The following MFN1 variants were observed in gnomAD, a reference collection of about 807,000 sequenced individuals.
The protein encoded by MFN1 is mitofusin-1.
Under a neutral mutation model 92.4 loss-of-function variants are expected in MFN1, and 65 were observed. The observed-to-expected ratio is 0.70, with a 90% CI of 0.58 to 0.86. The LOEUF (loss-of-function observed/expected upper bound fraction) is 0.86, where lower values mean the gene tolerates loss of function less well. Ranked by LOEUF, MFN1 falls within the 40% of genes least tolerant of loss-of-function variation. The pLI is 0.00. For synonymous variants in MFN1, 297 were observed against 300.9 expected (o/e 0.99, Z 0.13); for missense variants, 781 against 868.0 (o/e 0.90, Z 1.26).
At chr3:179,374,303 AT>A in intron 9 of MFN1, among the ~76,000 whole-genome samples, 1 of 67,830 alleles carries the variant, frequency 1.5e-5, no homozygotes, top group Non-Finnish European at 2.6e-5. Flanking sequence ...ACTGTCAAAA[AT>A]ATATATATAA....
chr3:179,377,017 T>C (rs762588550), intron 10 of MFN1, 25 bp from the exon 11 acceptor site: 5 of 1,610,608 alleles, frequency 3.1e-6, no homozygotes, highest in Middle Eastern at 1.7e-4. Context: ...ACCCTGAACG[T>C]TGATTACTCT....
chr3:179,348,397 T>C (rs914843813), intron 1 of MFN1, among the ~76,000 whole-genome samples: 1 of 152,250 alleles, frequency 6.6e-6, no homozygotes, highest in Non-Finnish European at 1.5e-5. Flanking sequence ...CCTTTCTAAA[T>C]GTCAGCCTCA....
In MFN1 at chr3:179,362,443, A is replaced by G; in HGVS notation, c.497A>G (p.Lys166Arg). 1.2e-6 allele frequency: 2 copies of G among 1,613,954 alleles called. No homozygotes were observed. The highest frequency in any genetic ancestry group is 1.7e-6 in the Non-Finnish European group (2 of 1,179,978). Reference sequence around the variant, plus strand: ...GTACGTGTGTTTTGGCCAAAAGCAAAATGTGCCCTCTTGAGAGATGACCTG... The same window carrying G: ...GTACGTGTGTTTTGGCCAAAAGCAAGATGTGCCCTCTTGAGAGATGACCTG... Reference protein sequence around the residue: ...CLVRVFWPKAKCALLRDDLVL... With the variant: ...CLVRVFWPKARCALLRDDLVL... The change falls in exon 5 of 18, where the codon AAA becomes AGA. Residue 166 changes from lysine to arginine, a missense_variant. Transcript: ENST00000471841.
Position 179,387,001 on chromosome 3 carries a change from C to G in MFN1, c.2012+372C>G, listed in dbSNP as rs529077769. 4.9e-4 allele frequency among the ~76,000 whole-genome samples: 74 copies of G among 152,106 alleles called. No individual in the cohort carries two copies. In the Middle Eastern group the frequency reaches 0.01, roughly 21 times the overall value. On this transcript the variant is annotated intron_variant, in intron 16 of 17. Transcript: ENST00000471841. The stretch of plus-strand genomic sequence containing the variant: ...GGCACAATCTGGCTCACTGCAGCCT[C>G]GAATCTTGGGCTCAAGTGATCTTAC...
chr3:179,379,929 A>G (rs1160734475), intron 14 of MFN1, among the ~76,000 whole-genome samples: 3 of 152,184 alleles, frequency 2.0e-5, no homozygotes, highest in Admixed American at 1.3e-4. Context: ...AAAAACAAAA[A>G]CACTGCAGAA....
At chr3:179,350,839 C>A (rs1473430721) in intron 2 of MFN1, among the ~76,000 whole-genome samples, 1 of 152,144 alleles carries the variant, frequency 6.6e-6, no homozygotes, top group Non-Finnish European at 1.5e-5. Context: ...ATTCAGATAG[C>A]CAGATGAATC....
chr3:179,365,778 T>G (rs1712763747), intron 7 of MFN1, among the ~76,000 whole-genome samples: 1 of 152,260 alleles, frequency 6.6e-6, no homozygotes, highest in Admixed American at 6.5e-5. Context: ...ATATAATACC[T>G]GCTCTTGCAT....
chr3:179,374,068 T>C (rs28758620), intron 9 of MFN1, among the ~76,000 whole-genome samples: 7,896 of 151,550 alleles, frequency 0.052, 530 homozygotes, highest in East Asian at 0.35. Context: ...TTTGTGAGAC[T>C]GAGACAGGCA....
At position 179,391,968 on chromosome 3, in the gene MFN1, T is replaced by G; in HGVS notation, c.2148-13T>G. 1 of 1,551,436 alleles carries G rather than the reference T, an allele frequency of 6.4e-7. No homozygotes were observed. The highest frequency in any genetic ancestry group is 8.9e-7 in the Non-Finnish European group (1 of 1,126,768). On this transcript the variant is annotated splice_polypyrimidine_tract_variant and intron_variant, in intron 17 of 17. Coordinates refer to ENST00000471841, the MANE Select transcript of MFN1 (RefSeq NM_033540.3). ...TTATAGTAATTAGATTGGTGTTTTA[T>G]TTTTTTAATTAGAAATAAAGCTGTT...
intron 3 of MFN1, among the ~76,000 whole-genome samples, chr3:179,354,889 G>A (rs1248047603): frequency 6.6e-6 from 1 of 152,110 alleles, no homozygotes; most frequent in Non-Finnish European, 1.5e-5. Context: ...CTGCCTCCCG[G>A]CTTCAAGCGA....
chr3:179,388,296 G>A (rs1030185171), intron 16 of MFN1, among the ~76,000 whole-genome samples: 6 of 152,260 alleles, frequency 3.9e-5, no homozygotes, highest in Non-Finnish European at 7.4e-5. Flanking sequence ...TGAACTTAAT[G>A]GTAGGTAGAC....
intron 9 of MFN1, among the ~76,000 whole-genome samples, chr3:179,371,523 G>A (rs983102157): frequency 1.3e-5 from 2 of 152,104 alleles, no homozygotes; most frequent in Non-Finnish European, 2.9e-5. Flanking sequence ...CAAAAAAAAG[G>A]AAGAAAGGAA....
At chr3:179,372,169 G>C (rs1393522626) in intron 9 of MFN1, among the ~76,000 whole-genome samples, 1 of 149,028 alleles carries the variant, frequency 6.7e-6, no homozygotes, top group Non-Finnish European at 1.5e-5. Flanking sequence ...CGAGTATGGA[G>C]GGAGGGGAGA....
intron 2 of MFN1, 88 bp downstream of exon 2, chr3:179,349,051 A>G (rs991515045): frequency 6.4e-5 from 67 of 1,046,390 alleles, no homozygotes; most frequent in South Asian, 3.0e-4. Flanking sequence ...GAACACATGT[A>G]TAGGGCATTA....
At chr3:179,366,398 T>A (rs1712795995) in intron 7 of MFN1, among the ~76,000 whole-genome samples, 1 of 152,128 alleles carries the variant, frequency 6.6e-6, no homozygotes, top group African/African-American at 2.4e-5. Flanking sequence ...TTTTTTTTTT[T>A]TGGCATTTTA....
intron 3 of MFN1, among the ~76,000 whole-genome samples, chr3:179,352,840 A>C (rs1204151115): frequency 3.2e-4 from 45 of 140,496 alleles, no homozygotes; most frequent in East Asian, 8.7e-4. Flanking sequence ...CAACCTCCAC[A>C]TCCCGGGTTC....
rs1576998266 is a variant in MFN1 at position 179,348,096 on chromosome 3, T to A, written c.-8+286T>A. The A allele has an allele frequency of 2.0e-5, 3 of 151,912 alleles. No homozygotes were observed. In the East Asian group the frequency reaches 5.8e-4, roughly 29 times the overall value. 9.4% of individuals were successfully genotyped at this position (151,912 alleles called of 1,614,324 possible). On this transcript the variant is annotated intron_variant, in intron 1 of 17. Coordinates refer to ENST00000471841, the MANE Select transcript of MFN1 (RefSeq NM_033540.3). ...CTGGCCCTGACTCCTGCGCCCGGTG[T>A]GGGAAGGTGGGAGGCCTTTTCTAAG... is the stretch of plus-strand genomic sequence containing the variant.
intron 14 of MFN1, among the ~76,000 whole-genome samples, chr3:179,379,230 A>G (rs1713373410): frequency 2.0e-5 from 3 of 152,364 alleles, no homozygotes; most frequent in African/African-American, 7.2e-5. Context: ...GGTCCAGTGC[A>G]CCAACAGCAT....
intron 9 of MFN1, among the ~76,000 whole-genome samples, chr3:179,370,283 C>T (rs1202345439): frequency 6.6e-6 from 1 of 151,672 alleles, no homozygotes; most frequent in African/African-American, 2.4e-5. Flanking sequence ...CATACACACA[C>T]AGACCCTTAA....
Sources: allele counts gnomAD v4.1 joint callset (sites outside exome capture counted in the v4.1 genomes callset), GRCh38; gene constraint gnomAD v4.1.1; transcripts MANE v1.5; gene names NCBI Gene and HGNC (gene_info 2026-07-23, HGNC 2026-07-21).